Variants in BNC2 observed in about 807,000 individuals in gnomAD.
BNC2 encodes zinc finger protein basonuclin-2.
BNC2 carries 20 observed loss-of-function variants against 76.3 expected under a neutral mutation model. The observed-to-expected ratio is 0.26, with a 90% CI of 0.18 to 0.38. BNC2 has a LOEUF of 0.38. Ranked by LOEUF, BNC2 falls within the 10% of genes least tolerant of loss-of-function variation. The probability of loss-of-function intolerance (pLI) is 1.00; values close to 1 mark genes in which losing one functional copy is unlikely to be tolerated. For missense variants in BNC2, 1,382 were observed against 1,399.8 expected, an observed-to-expected ratio of 0.99 and a Z score of 0.20; for synonymous variants, 582 against 514.8, an observed-to-expected ratio of 1.13 and a Z score of -1.77.
At chr9:16,759,355 AGAGG>A (rs1200963231) in intron 1 of BNC2, among the ~76,000 whole-genome samples, 1 of 152,190 alleles carries the variant, frequency 6.6e-6, no homozygotes, top group Non-Finnish European at 1.5e-5. Context: ...TAGATATTAG[AGAGG>A]ACTTTAATGG....
intron 5 of BNC2, among the ~76,000 whole-genome samples, chr9:16,483,285 G>A (rs1007283818): frequency 2.6e-5 from 4 of 152,180 alleles, no homozygotes; most frequent in African/African-American, 9.7e-5. Context: ...ACAAGCAACT[G>A]ACCATATTTC....
intron 3 of BNC2, among the ~76,000 whole-genome samples, chr9:16,678,725 G>A (rs1230851495): frequency 6.6e-6 from 1 of 151,202 alleles, no homozygotes. Context: ...GTGTGTAAAG[G>A]AATGGCTTTT....
At chr9:16,695,898 C>A (rs960223811) in intron 3 of BNC2, among the ~76,000 whole-genome samples, 1 of 152,030 alleles carries the variant, frequency 6.6e-6, no homozygotes, top group African/African-American at 2.4e-5. Context: ...TTCTTTACTA[C>A]AGCTTTCCCT....
chr9:16,488,707 T>G (rs1822214421), intron 5 of BNC2, among the ~76,000 whole-genome samples: 1 of 152,190 alleles, frequency 6.6e-6, no homozygotes, highest in Non-Finnish European at 1.5e-5. Context: ...TATTTGAATC[T>G]TAATCCCGAT....
At position 16,412,892 on chromosome 9, in the gene BNC2, G is replaced by A. The variant is rs1325848406; in HGVS notation, c.*6097C>T. 6.6e-6 allele frequency: 1 copy of A among 152,660 alleles called. No homozygotes were observed. Among genetic ancestry groups the A allele is most frequent in the Non-Finnish European group, 1.5e-5 (1 of 68,050 alleles). 9.5% of individuals were successfully genotyped at this position (152,660 alleles called of 1,614,324 possible). A position where few individuals can be genotyped will look rare whatever the true frequency, so the allele number is the denominator to read the frequency against. On this transcript the variant is annotated 3_prime_UTR_variant, in exon 7 of 7. Coordinates refer to ENST00000380672, the MANE Select transcript of BNC2 (RefSeq NM_017637.6). ...GCATCCTTTTATATTTGATGGCCAA[G>A]TGCTGAACTGGAAAGCACACTATTA...
chr9:16,472,157 T>C (rs1821840096), intron 5 of BNC2, among the ~76,000 whole-genome samples: 1 of 152,202 alleles, frequency 6.6e-6, no homozygotes. Flanking sequence ...TAAGGATATA[T>C]TCCAAAGGCC....
intron 6 of BNC2, among the ~76,000 whole-genome samples, chr9:16,433,437 G>T (rs753010171): frequency 7.2e-5 from 11 of 152,022 alleles, no homozygotes; most frequent in Non-Finnish European, 1.3e-4. Flanking sequence ...TGAACACCCT[G>T]GGAGCACATC....
At chr9:16,601,371 G>A (rs1307595022) in intron 3 of BNC2, among the ~76,000 whole-genome samples, 1 of 152,148 alleles carries the variant, frequency 6.6e-6, no homozygotes, top group Admixed American at 6.5e-5. Flanking sequence ...GGTACCAGAA[G>A]AGGCAGGGAA....
chr9:16,664,299 G>A (rs183901305), intron 3 of BNC2, among the ~76,000 whole-genome samples: 18 of 152,182 alleles, frequency 1.2e-4, no homozygotes, highest in Non-Finnish European at 2.5e-4. Flanking sequence ...TACATATTTT[G>A]TTGCTCAGAG....
intron 5 of BNC2, among the ~76,000 whole-genome samples, chr9:16,461,680 C>A (rs138136297): frequency 3.3e-5 from 5 of 152,254 alleles, no homozygotes; most frequent in Middle Eastern, 3.4e-3. Flanking sequence ...CTGCAACACG[C>A]TGCATCACCA....
At chr9:16,679,495 A>C (rs1822759253) in intron 3 of BNC2, among the ~76,000 whole-genome samples, 1 of 152,216 alleles carries the variant, frequency 6.6e-6, no homozygotes, top group East Asian at 1.9e-4. Flanking sequence ...TGGCAAATGG[A>C]ATCTGAACTT....
intron 4 of BNC2, 97 bp from the exon 5 acceptor site, chr9:16,552,862 C>T: frequency 1.0e-6 from 1 of 983,960 alleles, no homozygotes; most frequent in Non-Finnish European, 1.6e-6. Flanking sequence ...GTTACCAGGG[C>T]TCCATTTCTA....
At chr9:16,666,348 T>C (rs1822290417) in intron 3 of BNC2, among the ~76,000 whole-genome samples, 4 of 152,212 alleles carry the variant, frequency 2.6e-5, no homozygotes, top group Non-Finnish European at 1.5e-5. Flanking sequence ...GCTGCAAATG[T>C]TCTCTCCTAT....
At chr9:16,764,404 A>G (rs760204987) in intron 1 of BNC2, among the ~76,000 whole-genome samples, 2 of 152,166 alleles carry the variant, frequency 1.3e-5, no homozygotes, top group African/African-American at 2.4e-5. Flanking sequence ...CCTGAACTTT[A>G]AAAAAATTAA....
intron 5 of BNC2, among the ~76,000 whole-genome samples, chr9:16,541,659 C>T (rs1818324635): frequency 6.6e-6 from 1 of 152,260 alleles, no homozygotes; most frequent in African/African-American, 2.4e-5. Flanking sequence ...TAAAAAGAGG[C>T]AAATGAATGC....
intron 1 of BNC2, among the ~76,000 whole-genome samples, chr9:16,822,413 A>G (rs762294293): frequency 1.2e-4 from 19 of 152,272 alleles, no homozygotes; most frequent in Non-Finnish European, 2.5e-4. Flanking sequence ...TTCAAATCCA[A>G]GTGAGTCTAG....
At chr9:16,826,825 T>C (rs776826051) in intron 1 of BNC2, among the ~76,000 whole-genome samples, 3 of 152,096 alleles carry the variant, frequency 2.0e-5, no homozygotes, top group Non-Finnish European at 2.9e-5. Context: ...GATGGATAGA[T>C]GGATGGATGG....
At chr9:16,419,675 G>A (rs762845447) in intron 6 of BNC2, 26 bp from the exon 7 acceptor site, 6 of 478,756 alleles carry the variant, frequency 1.3e-5, no homozygotes, top group East Asian at 1.2e-4. Context: ...GGAAGGGGGG[G>A]TACGTGGATG....
chr9:16,793,987 C>A (rs191316514), intron 1 of BNC2, among the ~76,000 whole-genome samples: 2 of 151,562 alleles, frequency 1.3e-5, no homozygotes, highest in East Asian at 3.9e-4. Flanking sequence ...CAGGCGTGAG[C>A]CACCGCGCCG....
Sources: gnomAD v4.1 joint callset for allele counts (sites outside exome capture counted in the v4.1 genomes callset) on GRCh38, gnomAD v4.1.1 for gene constraint, MANE v1.5 for transcripts, NCBI Gene and HGNC (gene_info 2026-07-23, HGNC 2026-07-21) for gene names.